Variants in RARB observed in about 807,000 individuals in gnomAD.
RARB encodes the protein HBV-activated protein.
A neutral mutation model predicts 51.9 loss-of-function variants in RARB; 17 were observed. That is an observed-to-expected ratio of 0.33 (90% CI 0.22 to 0.49). The LOEUF (loss-of-function observed/expected upper bound fraction) is 0.49, where lower values mean the gene tolerates loss of function less well. Ranked by LOEUF, RARB falls within the 20% of genes least tolerant of loss-of-function variation. The pLI is 0.99. For synonymous variants in RARB, 215 were observed against 195.4 expected, an observed-to-expected ratio of 1.10 and a Z score of -0.84; for missense variants, 369 against 550.8, an observed-to-expected ratio of 0.67 and a Z score of 3.30.
chr3:25,574,003 G>T (rs987667135), intron 4 of RARB, among the ~76,000 whole-genome samples: 3 of 152,164 alleles, frequency 2.0e-5, no homozygotes, highest in African/African-American at 4.8e-5. Context: ...GTATCCCTGG[G>T]AAGGTTTCTA....
chr3:25,099,614 T>TA (rs1699361142), intron 3 of RARB, among the ~76,000 whole-genome samples: 1 of 36,202 alleles, frequency 2.8e-5, no homozygotes. Context: ...TTTTCAGGAT[T>TA]TAAAAAAAAA....
chr3:25,213,970 C>T (rs1055580571), intron 5 of RARB, among the ~76,000 whole-genome samples: 2 of 152,130 alleles, frequency 1.3e-5, no homozygotes, highest in African/African-American at 4.8e-5. Flanking sequence ...TGATGGCCAA[C>T]CAAAGCATAG....
intron 3 of RARB, among the ~76,000 whole-genome samples, chr3:25,555,047 G>T (rs956311635): frequency 1.3e-5 from 2 of 152,056 alleles, no homozygotes; most frequent in African/African-American, 2.4e-5. Context: ...GCCACATTGC[G>T]GATTAAGTTT....
At chr3:25,578,118 G>T (rs1407753503) in intron 4 of RARB, among the ~76,000 whole-genome samples, 1 of 152,212 alleles carries the variant, frequency 6.6e-6, no homozygotes, top group Non-Finnish European at 1.5e-5. Context: ...ACTCAGAAAT[G>T]CTGCTGAAAA....
chr3:25,468,396 T>C (rs796320880), intron 2 of RARB, among the ~76,000 whole-genome samples: 2 of 144,064 alleles, frequency 1.4e-5, no homozygotes, highest in Admixed American at 7.0e-5. Context: ...TTTTTTTTTT[T>C]AACCCATAGC....
chr3:25,136,195 A>T (rs1042548489), intron 4 of RARB, among the ~76,000 whole-genome samples: 1 of 152,036 alleles, frequency 6.6e-6, no homozygotes, highest in Non-Finnish European at 1.5e-5. Context: ...TGACAGGCAT[A>T]TGTCATGATG....
intron 3 of RARB, among the ~76,000 whole-genome samples, chr3:25,073,293 G>A (rs1046325524): frequency 6.6e-6 from 1 of 152,190 alleles, no homozygotes; most frequent in Non-Finnish European, 1.5e-5. Flanking sequence ...TGACCTTGCT[G>A]ACATTTCTCC....
chr3:25,516,198 CT>C (rs1351692771), intron 3 of RARB, among the ~76,000 whole-genome samples: 1 of 152,150 alleles, frequency 6.6e-6, no homozygotes, highest in African/African-American at 2.4e-5. Flanking sequence ...GGGCTATGCA[CT>C]CCAAATTAAC....
intron 4 of RARB, among the ~76,000 whole-genome samples, chr3:25,151,119 C>A (rs1019620214): frequency 6.6e-6 from 1 of 152,166 alleles, no homozygotes; most frequent in South Asian, 2.1e-4. Flanking sequence ...CTGGTCACAC[C>A]GCCCATTTTG....
chr3:25,381,835 A>T (rs1227658222), intron 5 of RARB, among the ~76,000 whole-genome samples: 1 of 152,198 alleles, frequency 6.6e-6, no homozygotes, highest in Non-Finnish European at 1.5e-5. Context: ...GAGTTTTAAC[A>T]AACCCTTCAA....
chr3:25,428,930 A>G (rs1319395443), intron 1 of RARB, 42 bp downstream of exon 1: 1 of 1,565,074 alleles, frequency 6.4e-7, no homozygotes, highest in African/African-American at 1.4e-5. Context: ...GAAAAAAAAA[A>G]TTGTCTCTCT....
chr3:25,288,818 C>T lies in RARB; in HGVS notation c.178+114243C>T, dbSNP rs146723945. Among the ~76,000 whole-genome samples, 478 of 152,112 alleles carry T rather than the reference C, an allele frequency of 3.1e-3. 2 individuals are homozygous for T. Among genetic ancestry groups the T allele is most frequent in the African/African-American group, 0.011 (456 of 41,498 alleles). On this transcript the variant is annotated intron_variant, in intron 5 of 11. Transcript: ENST00000383772. ...TTGAAATTTCTGCTTTGAATTGTCC[C>T]TGTAGAAATTTGAGACATTGATCTT...
chr3:24,928,151 C>G (rs1695359404), intron 2 of RARB, among the ~76,000 whole-genome samples: 1 of 151,944 alleles, frequency 6.6e-6, no homozygotes, highest in South Asian at 2.1e-4. Flanking sequence ...TGGGTTTATG[C>G]CATTGGAAGT....
intron 3 of RARB, among the ~76,000 whole-genome samples, chr3:25,066,192 C>G (rs1351800701): frequency 6.6e-6 from 1 of 152,028 alleles, no homozygotes; most frequent in African/African-American, 2.4e-5. Context: ...AAACAAATTG[C>G]CTTTGATAAA....
At chr3:24,842,278 G>T (rs1030655948) in intron 1 of RARB, among the ~76,000 whole-genome samples, 3 of 152,226 alleles carry the variant, frequency 2.0e-5, no homozygotes, top group Non-Finnish European at 4.4e-5. Context: ...CAAAGCTATA[G>T]TTAGGTCAGC....
At chr3:25,394,091 T>A (rs749503819) in intron 5 of RARB, among the ~76,000 whole-genome samples, 3 of 152,050 alleles carry the variant, frequency 2.0e-5, no homozygotes, top group Non-Finnish European at 4.4e-5. Flanking sequence ...ACAGAGGTTT[T>A]GGTTTTGTCA....
intron 5 of RARB, among the ~76,000 whole-genome samples, chr3:25,586,600 C>T (rs914096873): frequency 1.3e-5 from 2 of 152,220 alleles, no homozygotes; most frequent in African/African-American, 4.8e-5. Flanking sequence ...CCCTTACTGC[C>T]CCCAAGGAAA....
At chr3:25,146,492 G>GTTTTTTTTTTTTTTTTT (rs751190061) in intron 4 of RARB, among the ~76,000 whole-genome samples, 1 of 126,328 alleles carries the variant, frequency 7.9e-6, no homozygotes, top group Non-Finnish European at 1.7e-5. Context: ...AATTTGCTAA[G>GTTTTTTTTTTTTTTTTT]TTTTTTGTTT....
chr3:25,066,920 GC>G (rs1698675374), intron 3 of RARB, among the ~76,000 whole-genome samples: 2 of 152,244 alleles, frequency 1.3e-5, no homozygotes, highest in South Asian at 4.2e-4. Flanking sequence ...GAATGACCCA[GC>G]CTCCCCTTAT....
Sources: gnomAD v4.1 joint callset for allele counts (sites outside exome capture counted in the v4.1 genomes callset) on GRCh38, gnomAD v4.1.1 for gene constraint, MANE v1.5 for transcripts, NCBI Gene and HGNC (gene_info 2026-07-23, HGNC 2026-07-21) for gene names.